The following SNX29 variants were observed in gnomAD, a reference collection of about 807,000 sequenced individuals.
SNX29 encodes sorting nexin 29.
In SNX29, 78 loss-of-function variants were observed where a neutral mutation model predicts 102.1. The ratio of observed to expected loss-of-function variants is 0.76; its 90% CI spans 0.64 to 0.92. The LOEUF is 0.92. Ranked by LOEUF, SNX29 falls within the 40% of genes least tolerant of loss-of-function variation. The pLI is 0.00. For synonymous variants in SNX29, 580 were observed against 414.5 expected, an observed-to-expected ratio of 1.40 and a Z score of -4.85; for missense variants, 1,280 against 1,061.7, an observed-to-expected ratio of 1.21 and a Z score of -2.86.
intron 13 of SNX29, among the ~76,000 whole-genome samples, chr16:12,136,381 C>G (rs1444045819): frequency 6.6e-6 from 1 of 152,246 alleles, no homozygotes; most frequent in African/African-American, 2.4e-5. Flanking sequence ...CTGGTCTTGG[C>G]TCTGCCACTT....
At chr16:12,512,383 T>G (rs866909422) in intron 19 of SNX29, among the ~76,000 whole-genome samples, 18,648 of 76,582 alleles carry the variant, frequency 0.24, 3,350 homozygotes, top group African/African-American at 0.28. Context: ...TATATATATA[T>G]ATATATATAT....
intron 18 of SNX29, among the ~76,000 whole-genome samples, chr16:12,463,925 G>C (rs1337946151): frequency 1.3e-5 from 2 of 151,222 alleles, no homozygotes; most frequent in African/African-American, 2.4e-5. Context: ...GTTAGCCAGA[G>C]TCCCCATGCT....
At chr16:12,358,587 A>T (rs1363774976) in intron 16 of SNX29, among the ~76,000 whole-genome samples, 1 of 152,114 alleles carries the variant, frequency 6.6e-6, no homozygotes, top group Non-Finnish European at 1.5e-5. Context: ...CTATCCATAA[A>T]GAAATTGACC....
At chr16:12,566,840 A>G (rs747371222) in intron 20 of SNX29, among the ~76,000 whole-genome samples, 1 of 152,182 alleles carries the variant, frequency 6.6e-6, no homozygotes, top group African/African-American at 2.4e-5. Context: ...TTCAAGGTCA[A>G]ATGTTTCTTT....
chr16:12,448,106 G>A (rs1171583409), intron 18 of SNX29, among the ~76,000 whole-genome samples: 4 of 152,202 alleles, frequency 2.6e-5, no homozygotes, highest in South Asian at 2.1e-4. Flanking sequence ...CAAAAATGAC[G>A]TTATTATCTC....
chr16:12,172,500 ATCCTTCACCTC>A (rs150774562), intron 13 of SNX29, among the ~76,000 whole-genome samples: 3,008 of 152,234 alleles, frequency 0.02, 103 homozygotes, highest in African/African-American at 0.068. Flanking sequence ...CTTGGTCACC[ATCCTTCACCTC>A]TCCTTCACCT....
chr16:12,195,608 G>A (rs925259483), intron 13 of SNX29, among the ~76,000 whole-genome samples: 6 of 152,174 alleles, frequency 3.9e-5, no homozygotes, highest in African/African-American at 7.2e-5. Context: ...AGTCTTAACC[G>A]CCCAAGAGAT....
At chr16:12,249,821 G>C (rs1177842577) in intron 14 of SNX29, among the ~76,000 whole-genome samples, 1 of 152,206 alleles carries the variant, frequency 6.6e-6, no homozygotes, top group Non-Finnish European at 1.5e-5. Flanking sequence ...CCTGTGTGCT[G>C]AGCTGTCCCG....
At chr16:12,194,531 A>G (rs1475234426) in intron 13 of SNX29, among the ~76,000 whole-genome samples, 1 of 151,942 alleles carries the variant, frequency 6.6e-6, no homozygotes, top group Non-Finnish European at 1.5e-5. Flanking sequence ...TGGTGAGGGA[A>G]GAATTGCTTG....
chr16:12,528,114 C>T (rs28736822), intron 20 of SNX29, among the ~76,000 whole-genome samples: 5,029 of 152,080 alleles, frequency 0.033, 160 homozygotes, highest in East Asian at 0.094. Context: ...TGTGAGCCAC[C>T]GCACCTGGCC....
intron 15 of SNX29, among the ~76,000 whole-genome samples, chr16:12,302,374 T>C (rs2151102155): frequency 6.6e-6 from 1 of 152,384 alleles, no homozygotes; most frequent in African/African-American, 2.4e-5. Context: ...GATTGTGTTA[T>C]CTACTGTCTT....
intron 19 of SNX29, among the ~76,000 whole-genome samples, chr16:12,521,999 G>T (rs1373492009): frequency 1.3e-5 from 2 of 152,184 alleles, no homozygotes; most frequent in South Asian, 2.1e-4. Context: ...CCCCACCGAG[G>T]CCGCTCATCG....
chr16:12,307,764 T>C, intron 15 of SNX29, among the ~76,000 whole-genome samples: 1 of 152,240 alleles, frequency 6.6e-6, no homozygotes, highest in Middle Eastern at 3.2e-3. Context: ...CGGCCTTGGC[T>C]GGTAGGCACC....
At chr16:12,327,399 C>T (rs1014748749) in intron 15 of SNX29, among the ~76,000 whole-genome samples, 11 of 151,978 alleles carry the variant, frequency 7.2e-5, no homozygotes, top group African/African-American at 2.2e-4. Context: ...TCTCACCTTC[C>T]GGAGGCTGGA....
At chr16:12,540,190 C>T (rs1054581174) in intron 20 of SNX29, among the ~76,000 whole-genome samples, 2 of 152,124 alleles carry the variant, frequency 1.3e-5, no homozygotes, top group Non-Finnish European at 2.9e-5. Context: ...ACTTTTGTGT[C>T]AGGTCCAAGG....
chr16:12,181,210 T>G (rs939768939), intron 13 of SNX29, among the ~76,000 whole-genome samples: 1 of 152,166 alleles, frequency 6.6e-6, no homozygotes, highest in Admixed American at 6.5e-5. Context: ...CTCAGTTAAT[T>G]TAGAAAGTTT....
chr16:12,228,276 C>T (rs1012574400), intron 14 of SNX29, among the ~76,000 whole-genome samples: 4 of 152,222 alleles, frequency 2.6e-5, no homozygotes, highest in Non-Finnish European at 5.9e-5. Flanking sequence ...CCTTCCACAC[C>T]CATGGCAGGC....
chr16:12,068,675 G>T (rs964326947), intron 9 of SNX29, among the ~76,000 whole-genome samples: 1 of 152,158 alleles, frequency 6.6e-6, no homozygotes. Flanking sequence ...CTCCCGAGTA[G>T]TTGGGATTAC....
chr16:12,013,496 AAAAAATATATATATATAT>A lies in SNX29; in HGVS notation c.122+10455_122+10472del, dbSNP rs1282725425. Among the ~76,000 whole-genome samples, 45 of 31,600 alleles carry A rather than the reference AAAAAATATATATATATAT, an allele frequency of 1.4e-3. 2 individuals are homozygous for A. The highest frequency in any genetic ancestry group is 2.0e-3 in the Non-Finnish European group (37 of 18,278). 20.7% of individuals were successfully genotyped at this position (31,600 alleles called of 152,430 possible). ...CCCTGTCTCTACTGGGGGAAAAAAA[AAAAAATATATATATATAT>A]ATATATATATATATATATATATATA... On this transcript the variant is annotated intron_variant, in intron 3 of 20. Coordinates refer to ENST00000566228, the MANE Select transcript of SNX29 (RefSeq NM_032167.5).
Sources: gnomAD v4.1 joint callset for allele counts (sites outside exome capture counted in the v4.1 genomes callset) on GRCh38, gnomAD v4.1.1 for gene constraint, MANE v1.5 for transcripts, NCBI Gene and HGNC (gene_info 2026-07-23, HGNC 2026-07-21) for gene names.